NGEF: variants seen among roughly 807,000 people sequenced by gnomAD.
NGEF encodes the protein neuronal guanine nucleotide exchange factor.
In NGEF, 31 loss-of-function variants were observed where a neutral mutation model predicts 80.9. The ratio of observed to expected loss-of-function variants is 0.38; its 90% confidence interval spans 0.29 to 0.52. NGEF has a LOEUF of 0.52. Among genes scored for constraint, NGEF ranks in the 20% least tolerant of loss-of-function variants. The pLI, the probability that NGEF is intolerant of heterozygous loss-of-function variation, is 0.84. For synonymous variants in NGEF, 371 were observed against 370.2 expected (o/e 1.00, Z -0.03); for missense variants, 709 against 926.2 (o/e 0.77, Z 3.04).
intron 9 of NGEF, 138 bp downstream of exon 9, chr2:232,887,895 G>T: frequency 1.4e-6 from 1 of 737,252 alleles, no homozygotes; most frequent in Non-Finnish European, 2.4e-6. Context: ...TGACTCTTTT[G>T]ATTGCAAAAG....
chr2:233,005,524 T>C (rs1695066845), intron 1 of NGEF, among the ~76,000 whole-genome samples: 1 of 152,158 alleles, frequency 6.6e-6, no homozygotes. Context: ...GATGGGGAGA[T>C]TATCCCAGAT....
intron 1 of NGEF, among the ~76,000 whole-genome samples, chr2:233,006,856 G>A (rs1462157966): frequency 2.0e-5 from 3 of 152,182 alleles, no homozygotes; most frequent in Admixed American, 6.5e-5. Context: ...CAGCTAGCAG[G>A]TGGTGGAGGC....
intron 3 of NGEF, among the ~76,000 whole-genome samples, chr2:232,961,407 C>A (rs1404768218): frequency 6.6e-6 from 1 of 152,170 alleles, no homozygotes; most frequent in African/African-American, 2.4e-5. Flanking sequence ...TGGGAATGGC[C>A]CCATTAATCC....
intron 3 of NGEF, among the ~76,000 whole-genome samples, chr2:232,933,527 AAG>A (rs1427951961): frequency 1.3e-5 from 2 of 152,092 alleles, no homozygotes; most frequent in Admixed American, 1.3e-4. Context: ...CTCTGGCAAT[AAG>A]GGTCTGATTT....
chr2:232,932,164 T>TTTC (rs71058513), intron 3 of NGEF, among the ~76,000 whole-genome samples: 1,024 of 22,912 alleles, frequency 0.045, 25 homozygotes, highest in Admixed American at 0.24. Context: ...ATCACCTTTC[T>TTTC]TTTTTTTTTT....
chr2:232,926,959 G>A (rs1262095759), intron 4 of NGEF, 85 bp downstream of exon 4: 3 of 1,542,024 alleles, frequency 1.9e-6, no homozygotes, highest in East Asian at 2.3e-5. Flanking sequence ...GAAACACAAC[G>A]GCATCCCATG....
At chr2:232,933,563 T>G (rs998433763) in intron 3 of NGEF, among the ~76,000 whole-genome samples, 1 of 152,230 alleles carries the variant, frequency 6.6e-6, no homozygotes, top group African/African-American at 2.4e-5. Flanking sequence ...CTCAAACATC[T>G]TGGTTGGAAT....
At chr2:232,939,955 T>C (rs773454902) in intron 3 of NGEF, among the ~76,000 whole-genome samples, 6 of 151,608 alleles carry the variant, frequency 4.0e-5, no homozygotes, top group Non-Finnish European at 8.8e-5. Context: ...CGAGATCATG[T>C]CACTGCACTC....
At chr2:232,917,412 T>C (rs941656326) in intron 5 of NGEF, among the ~76,000 whole-genome samples, 16 of 152,202 alleles carry the variant, frequency 1.1e-4, no homozygotes, top group African/African-American at 3.9e-4. Context: ...TTGCATTGTT[T>C]GTATTTTTTT....
At chr2:232,900,412 TCA>T (rs1340806682) in intron 5 of NGEF, among the ~76,000 whole-genome samples, 2 of 67,306 alleles carry the variant, frequency 3.0e-5, no homozygotes, top group Non-Finnish European at 6.1e-5. Context: ...ACACGTTCAC[TCA>T]CATTCACTTA....
intron 2 of NGEF, among the ~76,000 whole-genome samples, chr2:232,972,709 C>A (rs1030032133): frequency 2.0e-5 from 3 of 151,468 alleles, no homozygotes; most frequent in African/African-American, 7.3e-5. Flanking sequence ...ATCAACCAAG[C>A]CTGCTCCCAC....
intron 3 of NGEF, among the ~76,000 whole-genome samples, chr2:232,949,672 T>C (rs1693640006): frequency 6.6e-6 from 1 of 151,012 alleles, no homozygotes; most frequent in Admixed American, 6.6e-5. Flanking sequence ...AGAGATGGGG[T>C]TTCTCCGTGT....
intron 3 of NGEF, among the ~76,000 whole-genome samples, chr2:232,963,882 G>A (rs1167923467): frequency 6.6e-6 from 1 of 152,090 alleles, no homozygotes; most frequent in African/African-American, 2.4e-5. Context: ...GCAAAGACTT[G>A]TGTTCAAGAT....
chr2:232,906,216 T>TGG (rs1176714112), intron 5 of NGEF, among the ~76,000 whole-genome samples: 1 of 5,290 alleles, frequency 1.9e-4, no homozygotes, highest in African/African-American at 6.8e-4. Context: ...GGGAAGGAGG[T>TGG]GGGGGGGGGT....
At chr2:232,929,803 C>G (rs1460242095) in intron 3 of NGEF, among the ~76,000 whole-genome samples, 1 of 152,180 alleles carries the variant, frequency 6.6e-6, no homozygotes, top group Non-Finnish European at 1.5e-5. Context: ...TGTCCCCACC[C>G]AAATCTCATC....
chr2:232,911,604 A>C (rs549959985), intron 5 of NGEF, among the ~76,000 whole-genome samples: 35 of 152,326 alleles, frequency 2.3e-4, no homozygotes, highest in Admixed American at 2.3e-3. Context: ...AAGAGAATTA[A>C]CATCTTTACT....
At chr2:232,894,215 G>C (rs1015991065) in intron 6 of NGEF, among the ~76,000 whole-genome samples, 1 of 152,232 alleles carries the variant, frequency 6.6e-6, no homozygotes, top group Non-Finnish European at 1.5e-5. Context: ...CTCCGCTGCA[G>C]CTCGGCCCAG....
chr2:232,923,250 AAG>A (rs1265578753), intron 4 of NGEF, among the ~76,000 whole-genome samples: 1 of 152,194 alleles, frequency 6.6e-6, no homozygotes, highest in Admixed American at 6.5e-5. Context: ...ATATGCTGAA[AAG>A]AGACAAAAAT....
At chr2:232,905,125 C>T (rs1333911758) in intron 5 of NGEF, among the ~76,000 whole-genome samples, 3 of 152,200 alleles carry the variant, frequency 2.0e-5, no homozygotes, top group Non-Finnish European at 1.5e-5. Flanking sequence ...CTCCTCTCCC[C>T]TTTCCACGGT....
Sources: allele counts gnomAD v4.1 joint callset (sites outside exome capture counted in the v4.1 genomes callset), GRCh38; gene constraint gnomAD v4.1.1; transcripts MANE v1.5; gene names NCBI Gene and HGNC (gene_info 2026-07-23, HGNC 2026-07-21).